The following GOLGA8S variants were observed in gnomAD, a reference collection of about 807,000 sequenced individuals.
GOLGA8S encodes the protein golgin subfamily A member 8S.
A neutral mutation model predicts 58.9 loss-of-function variants in GOLGA8S; 23 were observed. That is an observed-to-expected ratio of 0.39 (90% CI 0.28 to 0.55). The LOEUF is 0.55. GOLGA8S is among the 20% of genes least tolerant of loss of function. The probability of loss-of-function intolerance (pLI) is 0.63; values close to 1 mark genes in which losing one functional copy is unlikely to be tolerated. For missense variants in GOLGA8S, 266 were observed against 514.2 expected (o/e 0.52, Z 4.67); for synonymous variants, 84 against 195.7 (o/e 0.43, Z 4.76).
At chr15:23,361,134 T>TTGTCTTTTCTTTTCTTTTCTTTTCTTTTC (rs2069784747) in intron 11 of GOLGA8S, 87 bp from the exon 12 acceptor site, 1 of 792,260 alleles carries the variant, frequency 1.3e-6, no homozygotes, top group African/African-American at 2.2e-5. Flanking sequence ...AGAGGAGGGT[T>TTGTCTTTTCTTTTCTTTTCTTTTCTTTTC]TTTTCTTTTC....
chr15:23,366,192 G>C (rs1398634502), downstream of GOLGA8S: 1 of 151,616 alleles, frequency 6.6e-6, no homozygotes, highest in Non-Finnish European at 1.5e-5. Flanking sequence ...AGGCATACAG[G>C]CTCTAGTCAA....
At chr15:23,366,815 G>GT (rs2069929877), downstream of GOLGA8S, 1 of 146,936 alleles carries the variant, frequency 6.8e-6, no homozygotes, top group Non-Finnish European at 1.5e-5. Flanking sequence ...ACATCACATT[G>GT]TTAGGATGCA....
exon 16 of GOLGA8S, chr15:23,364,371 A>G: frequency 6.2e-7 from 1 of 1,603,146 alleles, no homozygotes; most frequent in Non-Finnish European, 8.5e-7. Flanking sequence ...CTGGAGGAGA[A>G]GGCAGACCTG....
At chr15:23,356,286 T>G (rs1381866078) in intron 1 of GOLGA8S, among the ~76,000 whole-genome samples, 3 of 144,462 alleles carry the variant, frequency 2.1e-5, no homozygotes, top group Non-Finnish European at 4.7e-5. Flanking sequence ...TACTTAATGT[T>G]TACTTTTCTA....
At chr15:23,367,788 A>T (rs1315721054), downstream of GOLGA8S, among the ~76,000 whole-genome samples, 5 of 151,932 alleles carry the variant, frequency 3.3e-5, no homozygotes, top group Non-Finnish European at 5.9e-5. Flanking sequence ...GAATTTTAAA[A>T]TGTGAGTTCC....
At chr15:23,368,474 AAC>A (rs1202239354), downstream of GOLGA8S, among the ~76,000 whole-genome samples, 2 of 151,868 alleles carry the variant, frequency 1.3e-5, no homozygotes, top group Non-Finnish European at 2.9e-5. Context: ...GTTTATTAAA[AAC>A]ACAAAATAAA....
At chr15:23,365,379 G>A (rs1248075215), downstream of GOLGA8S, 9 of 611,950 alleles carry the variant, frequency 1.5e-5, no homozygotes, top group Non-Finnish European at 2.3e-5. Flanking sequence ...ATAATTGTAG[G>A]TCATTAGCAT....
chr15:23,366,187 T>C (rs1346057303), downstream of GOLGA8S: 2 of 151,744 alleles, frequency 1.3e-5, no homozygotes, highest in Non-Finnish European at 2.9e-5. Context: ...GGAACAGGCA[T>C]ACAGGCTCTA....
At chr15:23,366,479 A>G (rs2069924132), downstream of GOLGA8S, 1 of 152,014 alleles carries the variant, frequency 6.6e-6, no homozygotes, top group Non-Finnish European at 1.5e-5. Flanking sequence ...ACTATCTTTG[A>G]AAATCAAGGA....
At chr15:23,356,197 G>C (rs1316538675) in intron 1 of GOLGA8S, among the ~76,000 whole-genome samples, 1 of 145,224 alleles carries the variant, frequency 6.9e-6, no homozygotes, top group African/African-American at 2.5e-5. Flanking sequence ...ATAAGAGTTT[G>C]AGAGGTACAG....
chr15:23,365,306 G>C (rs1374579678), downstream of GOLGA8S: 24 of 751,186 alleles, frequency 3.2e-5, no homozygotes, highest in Non-Finnish European at 5.1e-5. Flanking sequence ...AAAGAGAGTG[G>C]GTGTCTGTGG....
At chr15:23,368,443 T>C (rs544141782), downstream of GOLGA8S, among the ~76,000 whole-genome samples, 162 of 151,974 alleles carry the variant, frequency 1.1e-3, 2 homozygotes, top group Non-Finnish European at 1.4e-3. Flanking sequence ...TTTTACAAAA[T>C]TGTAATACAA....
intron 13 of GOLGA8S, among the ~76,000 whole-genome samples, chr15:23,362,620 G>A (rs1480350122): frequency 3.6e-5 from 5 of 139,738 alleles, no homozygotes; most frequent in Non-Finnish European, 7.8e-5. Context: ...ACCATTCTGT[G>A]GCCTACAGTT....
chr15:23,357,853 C>T (rs1420436748), intron 4 of GOLGA8S, among the ~76,000 whole-genome samples: 2 of 150,072 alleles, frequency 1.3e-5, no homozygotes, highest in African/African-American at 2.5e-5. Context: ...TTGCTACACA[C>T]GCCCTGGGAT....
At position 23,363,774 on chromosome 15, in the gene GOLGA8S, G is replaced by A; in HGVS notation, c.1347+5G>A. The A allele has an allele frequency of 1.7e-6, 1 of 585,070 alleles. No individual in the cohort carries two copies. Among genetic ancestry groups the A allele is most frequent in the Non-Finnish European group, 2.7e-6 (1 of 364,760 alleles). The allele number at this position is 585,070 out of a possible 1,614,324, so 36.2% of individuals were successfully genotyped here. On this transcript the variant is annotated splice_donor_5th_base_variant and intron_variant, in intron 15 of 18. Coordinates refer to ENST00000562295, the Ensembl canonical transcript of GOLGA8S. Reference sequence around the variant, plus strand: ...CTGGAGAGCAGGGAGGCCATGGTGAGCCTGACTCCCCCTGCACCCATTTTG... The same window carrying A: ...CTGGAGAGCAGGGAGGCCATGGTGAACCTGACTCCCCCTGCACCCATTTTG...
chr15:23,361,026 T>G (rs2069781224), intron 11 of GOLGA8S, among the ~76,000 whole-genome samples, 195 bp from the exon 12 acceptor site: 1 of 149,668 alleles, frequency 6.7e-6, no homozygotes, highest in South Asian at 2.2e-4. Flanking sequence ...GCAGTGCTCT[T>G]TCTCTGAAAG....
exon 5 of GOLGA8S, chr15:23,358,494 T>C (rs587867): frequency 1.2e-6 from 1 of 844,366 alleles, no homozygotes. Context: ...AAACAAGTGG[T>C]ACATCAGCTG....
At chr15:23,361,372 G>T (rs765696067) in exon 12 of GOLGA8S, 3 of 1,123,612 alleles carry the variant, frequency 2.7e-6, no homozygotes, top group South Asian at 1.2e-5. Flanking sequence ...AAAAGGAGAG[G>T]CTTCGGGAGC....
chr15:23,364,903 A>G, intron 18 of GOLGA8S, 29 bp downstream of exon 18: 1 of 1,492,872 alleles, frequency 6.7e-7, no homozygotes, highest in Middle Eastern at 2.4e-4. Context: ...TGGGGTGGGC[A>G]GGCAGGAAGA....
Sources: allele counts gnomAD v4.1 joint callset (sites outside exome capture counted in the v4.1 genomes callset), GRCh38; gene constraint gnomAD v4.1.1; transcripts MANE v1.5; gene names NCBI Gene and HGNC (gene_info 2026-07-23, HGNC 2026-07-21).